The following RIMS2 variants were observed in gnomAD, a reference collection of about 807,000 sequenced individuals.
The protein encoded by RIMS2 is regulating synaptic membrane exocytosis 2.
Under a neutral mutation model 174.4 loss-of-function variants are expected in RIMS2, and 59 were observed. That is an observed-to-expected ratio of 0.34 (90% CI 0.27 to 0.42). RIMS2 has a LOEUF of 0.42. RIMS2 is among the 10% of genes least tolerant of loss of function. The pLI is 1.00. For synonymous variants in RIMS2, 606 were observed against 572.5 expected (o/e 1.06, Z -0.84); for missense variants, 1,620 against 1,666.3 (o/e 0.97, Z 0.48).
intron 19 of RIMS2, among the ~76,000 whole-genome samples, chr8:104,219,621 T>A (rs916027616): frequency 2.6e-5 from 4 of 152,216 alleles, no homozygotes; most frequent in Admixed American, 2.0e-4. Flanking sequence ...GTGATTTTTA[T>A]GTTTAATAGT....
upstream of RIMS2, chr8:103,500,726 C>T (rs1819255621): frequency 1.1e-5 from 6 of 538,430 alleles, no homozygotes; most frequent in South Asian, 1.3e-4. Context: ...TCCCCTCCCC[C>T]TGCTTTTCTT....
At chr8:103,983,534 T>C (rs1028266261) in intron 16 of RIMS2, among the ~76,000 whole-genome samples, 2 of 152,146 alleles carry the variant, frequency 1.3e-5, no homozygotes, top group African/African-American at 2.4e-5. Flanking sequence ...AGCATGGTAC[T>C]GCCATAAAAA....
At chr8:103,887,934 G>A (rs1167615386) in intron 4 of RIMS2, among the ~76,000 whole-genome samples, 4 of 151,480 alleles carry the variant, frequency 2.6e-5, no homozygotes, top group African/African-American at 7.3e-5. Context: ...CAAGCTCTTT[G>A]CAGATAATCT....
intron 2 of RIMS2, among the ~76,000 whole-genome samples, chr8:103,710,018 G>C (rs537776565): frequency 2.0e-4 from 31 of 151,924 alleles, no homozygotes; most frequent in African/African-American, 7.2e-4. Context: ...TATAAAACTT[G>C]CCTATATTCT....
At chr8:104,069,038 A>G (rs1432449281) in intron 19 of RIMS2, among the ~76,000 whole-genome samples, 3 of 152,180 alleles carry the variant, frequency 2.0e-5, no homozygotes, top group Admixed American at 1.3e-4. Flanking sequence ...CAAGTTTTTG[A>G]CTTTAGGGTA....
intron 15 of RIMS2, among the ~76,000 whole-genome samples, chr8:103,975,071 T>C (rs778354450): frequency 6.6e-6 from 1 of 152,208 alleles, no homozygotes; most frequent in Non-Finnish European, 1.5e-5. Flanking sequence ...GATAATTAAC[T>C]GTATGTAAAA....
intron 2 of RIMS2, among the ~76,000 whole-genome samples, chr8:103,730,729 G>A (rs1274453012): frequency 6.6e-6 from 1 of 152,082 alleles, no homozygotes; most frequent in Non-Finnish European, 1.5e-5. Context: ...TATTTTCTTT[G>A]AGAGTGAAGA....
intron 3 of RIMS2, among the ~76,000 whole-genome samples, chr8:103,866,607 T>C (rs1564996443): frequency 6.6e-6 from 1 of 152,126 alleles, no homozygotes; most frequent in African/African-American, 2.4e-5. Context: ...CAGGTACTAA[T>C]GTCAGTAGAT....
At chr8:104,100,295 T>C (rs1005673199) in intron 19 of RIMS2, among the ~76,000 whole-genome samples, 21 of 152,232 alleles carry the variant, frequency 1.4e-4, no homozygotes, top group African/African-American at 5.1e-4. Flanking sequence ...TTTTTGTATG[T>C]TGATCTTATA....
At chr8:103,603,157 C>T (rs2094848349) in intron 1 of RIMS2, among the ~76,000 whole-genome samples, 2 of 120,912 alleles carry the variant, frequency 1.7e-5, no homozygotes, top group South Asian at 6.3e-4. Flanking sequence ...CTCCCCCCAC[C>T]CCAACACAGT....
chr8:104,098,922 A>G (rs1475694910), intron 19 of RIMS2, among the ~76,000 whole-genome samples: 1 of 152,216 alleles, frequency 6.6e-6, no homozygotes. Context: ...AGTTGTGATT[A>G]GGACTCTAAA....
At chr8:104,214,752 T>TTG (rs1236452181) in intron 19 of RIMS2, among the ~76,000 whole-genome samples, 2 of 152,194 alleles carry the variant, frequency 1.3e-5, no homozygotes, top group African/African-American at 4.8e-5. Flanking sequence ...AGAGACATCT[T>TTG]TAACAGAGTA....
At chr8:104,054,576 C>T (rs2096839036) in intron 19 of RIMS2, among the ~76,000 whole-genome samples, 1 of 152,008 alleles carries the variant, frequency 6.6e-6, no homozygotes, top group Non-Finnish European at 1.5e-5. Flanking sequence ...CACAATATTG[C>T]TACATAAGCT....
intron 19 of RIMS2, among the ~76,000 whole-genome samples, chr8:104,089,864 CA>C (rs2097606942): frequency 6.6e-6 from 1 of 151,422 alleles, no homozygotes; most frequent in Non-Finnish European, 1.5e-5. Flanking sequence ...ATATTTTTCT[CA>C]AAAATTCTTA....
chr8:103,741,670 G>T (rs2097763013), intron 2 of RIMS2, among the ~76,000 whole-genome samples: 1 of 151,940 alleles, frequency 6.6e-6, no homozygotes, highest in Admixed American at 6.6e-5. Context: ...ATACTAAAAA[G>T]GATTTGGAAA....
chr8:103,643,811 A>T (rs180679770), intron 1 of RIMS2, among the ~76,000 whole-genome samples: 1 of 151,872 alleles, frequency 6.6e-6, no homozygotes, highest in South Asian at 2.1e-4. Context: ...AATGAGCTTG[A>T]GTTGAGTTTC....
chr8:104,000,313 G>A (rs1335178336), intron 17 of RIMS2, among the ~76,000 whole-genome samples: 7 of 151,544 alleles, frequency 4.6e-5, no homozygotes, highest in South Asian at 2.1e-4. Context: ...TTGTCTTTCC[G>A]TGCCTAGCTT....
chr8:103,713,179 T>G (rs1336137068), intron 2 of RIMS2, among the ~76,000 whole-genome samples: 1 of 152,072 alleles, frequency 6.6e-6, no homozygotes, highest in East Asian at 1.9e-4. Flanking sequence ...CCACCATGCT[T>G]GGCTAATTTT....
chr8:103,902,948 A>G (rs1408480267), intron 4 of RIMS2, among the ~76,000 whole-genome samples: 1 of 152,148 alleles, frequency 6.6e-6, no homozygotes, highest in Non-Finnish European at 1.5e-5. Flanking sequence ...TCCATGCAAT[A>G]CACATTGGGA....
Sources: allele counts gnomAD v4.1 joint callset (sites outside exome capture counted in the v4.1 genomes callset), GRCh38; gene constraint gnomAD v4.1.1; transcripts MANE v1.5; gene names NCBI Gene and HGNC (gene_info 2026-07-23, HGNC 2026-07-21).